SNCAIP: variants seen among roughly 807,000 people sequenced by gnomAD.
SNCAIP encodes synphilin-1.
In SNCAIP, 43 loss-of-function variants were observed where a neutral mutation model predicts 86.7. That is an observed-to-expected ratio of 0.50 (90% CI 0.39 to 0.64). SNCAIP has a LOEUF of 0.64. Ranked by LOEUF, SNCAIP falls within the 30% of genes least tolerant of loss-of-function variation. The pLI is 0.00. For missense variants in SNCAIP, 981 were observed against 1,103.1 expected (o/e 0.89, Z 1.57); for synonymous variants, 417 against 427.2 (o/e 0.98, Z 0.29).
At chr5:122,370,327 ATATT>A (rs1336343635) in intron 1 of SNCAIP, among the ~76,000 whole-genome samples, 2 of 151,388 alleles carry the variant, frequency 1.3e-5, no homozygotes, top group Non-Finnish European at 2.9e-5. Flanking sequence ...CTTTTTATTG[ATATT>A]TATTGATATT....
chr5:122,344,420 A>G (rs1758198407), intron 1 of SNCAIP, among the ~76,000 whole-genome samples: 2 of 152,240 alleles, frequency 1.3e-5, no homozygotes, highest in South Asian at 4.1e-4. Context: ...TAATCAATCC[A>G]TAATTGAGAT....
chr5:122,460,018 C>G (rs191947994), intron 10 of SNCAIP, among the ~76,000 whole-genome samples: 9 of 152,210 alleles, frequency 5.9e-5, no homozygotes, highest in Non-Finnish European at 8.8e-5. Context: ...AAAATGATAG[C>G]ACTTATAAAC....
At chr5:122,414,236 CT>C (rs58324419) in intron 3 of SNCAIP, among the ~76,000 whole-genome samples, 429 of 143,416 alleles carry the variant, frequency 3.0e-3, no homozygotes, top group Non-Finnish European at 3.6e-3. Flanking sequence ...ATTATTTTTC[CT>C]TTTTTTTTTT....
At chr5:122,385,233 A>C (rs562837659) in intron 1 of SNCAIP, among the ~76,000 whole-genome samples, 1 of 152,156 alleles carries the variant, frequency 6.6e-6, no homozygotes, top group Non-Finnish European at 1.5e-5. Flanking sequence ...CTTGGTGTGG[A>C]AACTAGTGTA....
intron 4 of SNCAIP, 36 bp from the exon 5 acceptor site, chr5:122,425,316 A>G (rs865832201): frequency 6.4e-7 from 1 of 1,554,876 alleles, no homozygotes; most frequent in South Asian, 1.1e-5. Context: ...GCTCTGATTT[A>G]TTGACTTGGG....
chr5:122,348,787 G>T (rs2152738960), intron 1 of SNCAIP, among the ~76,000 whole-genome samples: 1 of 152,198 alleles, frequency 6.6e-6, no homozygotes, highest in East Asian at 1.9e-4. Context: ...AGAATCAAAA[G>T]ATGAGAAAAT....
intron 1 of SNCAIP, among the ~76,000 whole-genome samples, chr5:122,317,889 C>G (rs1752105960): frequency 6.6e-6 from 1 of 152,082 alleles, no homozygotes; most frequent in African/African-American, 2.4e-5. Context: ...TGCTCCACTT[C>G]CTTTCATGTT....
intron 5 of SNCAIP, among the ~76,000 whole-genome samples, chr5:122,426,603 A>G (rs1446597293): frequency 6.6e-6 from 1 of 152,240 alleles, no homozygotes; most frequent in Non-Finnish European, 1.5e-5. Flanking sequence ...AATCTAGCAT[A>G]GAAGATAATT....
At position 122,330,376 on chromosome 5, in the gene SNCAIP, C is replaced by T. The variant is rs202154813; in HGVS notation, c.-47+18092C>T. On this transcript the variant is annotated intron_variant, in intron 1 of 10. Transcript: ENST00000261368. ...GACCTCGTGATCCGCCTGCCTCGGC[C>T]TCCCAAAGTGCTGGGATTACAGGCG... Among the ~76,000 whole-genome samples the T allele has an allele frequency of 1.1e-4, 16 of 152,186 alleles. No individual in the cohort carries two copies. The East Asian group carries it at 2.9e-3, about 28-fold the overall frequency.
At chr5:122,461,062 T>G (rs1471590468) in intron 10 of SNCAIP, among the ~76,000 whole-genome samples, 2 of 152,242 alleles carry the variant, frequency 1.3e-5, no homozygotes, top group East Asian at 3.8e-4. Context: ...GGTAAACAGT[T>G]GCTAATTTTT....
At chr5:122,394,327 C>T (rs1047923467) in intron 2 of SNCAIP, among the ~76,000 whole-genome samples, 6 of 152,074 alleles carry the variant, frequency 3.9e-5, no homozygotes, top group Admixed American at 2.0e-4. Flanking sequence ...TTAATTAAAA[C>T]GTAAGCTGTA....
At chr5:122,402,071 A>T (rs1331017174) in intron 2 of SNCAIP, among the ~76,000 whole-genome samples, 2 of 151,372 alleles carry the variant, frequency 1.3e-5, no homozygotes, top group Non-Finnish European at 2.9e-5. Context: ...CTCTTTCTAA[A>T]CTCTTGCCTT....
chr5:122,446,682 T>C (rs1327324856), intron 8 of SNCAIP, among the ~76,000 whole-genome samples: 2 of 152,282 alleles, frequency 1.3e-5, no homozygotes, highest in Non-Finnish European at 2.9e-5. Flanking sequence ...TTGGCAAAAC[T>C]AGAAATGAAT....
chr5:122,373,265 C>T (rs1764622959), intron 1 of SNCAIP, among the ~76,000 whole-genome samples: 1 of 152,016 alleles, frequency 6.6e-6, no homozygotes, highest in South Asian at 2.1e-4. Context: ...ATAATCAAGT[C>T]CCTGGAGATG....
intron 1 of SNCAIP, among the ~76,000 whole-genome samples, chr5:122,353,252 CCA>C (rs761284315): frequency 7.9e-5 from 12 of 151,940 alleles, no homozygotes; most frequent in Non-Finnish European, 1.6e-4. Context: ...TCTATAAAAC[CCA>C]CAAGGCAAAC....
At chr5:122,329,175 T>C (rs1754751820) in intron 1 of SNCAIP, among the ~76,000 whole-genome samples, 1 of 151,810 alleles carries the variant, frequency 6.6e-6, no homozygotes, top group Non-Finnish European at 1.5e-5. Context: ...GCACTTATTG[T>C]ATACCAGACA....
At chr5:122,396,861 C>G (rs989745758) in intron 2 of SNCAIP, among the ~76,000 whole-genome samples, 2 of 152,022 alleles carry the variant, frequency 1.3e-5, no homozygotes, top group African/African-American at 2.4e-5. Context: ...GGCCATCTGC[C>G]CTACTATAAC....
intron 10 of SNCAIP, among the ~76,000 whole-genome samples, chr5:122,461,420 T>C (rs1218007697): frequency 2.6e-5 from 4 of 152,150 alleles, no homozygotes; most frequent in African/African-American, 9.7e-5. Flanking sequence ...AAATTTTCTC[T>C]TCTCCAATTT....
chr5:122,375,915 A>G (rs961279415), intron 1 of SNCAIP, among the ~76,000 whole-genome samples: 1 of 152,088 alleles, frequency 6.6e-6, no homozygotes, highest in Non-Finnish European at 1.5e-5. Context: ...AGAGGTCACC[A>G]TCTTTTAATT....
Sources: allele counts gnomAD v4.1 joint callset (sites outside exome capture counted in the v4.1 genomes callset), GRCh38; gene constraint gnomAD v4.1.1; transcripts MANE v1.5; gene names NCBI Gene and HGNC (gene_info 2026-07-23, HGNC 2026-07-21).